ATXN7L1: variants seen among roughly 807,000 people sequenced by gnomAD.
ATXN7L1 encodes ataxin-7-like protein 1.
ATXN7L1 carries 15 observed loss-of-function variants against 70.8 expected under a neutral mutation model. That is an observed-to-expected ratio of 0.21 (90% CI 0.14 to 0.33). The LOEUF (loss-of-function observed/expected upper bound fraction) is 0.33, where lower values mean the gene tolerates loss of function less well. Ranked by LOEUF, ATXN7L1 falls within the 10% of genes least tolerant of loss-of-function variation. ATXN7L1 has a pLI of 1.00. For synonymous variants in ATXN7L1, 440 were observed against 445.1 expected (o/e 0.99, Z 0.14); for missense variants, 975 against 1,097.1 (o/e 0.89, Z 1.57).
chr7:105,834,524 C>T (rs1812083468), intron 2 of ATXN7L1, among the ~76,000 whole-genome samples: 1 of 152,154 alleles, frequency 6.6e-6, no homozygotes, highest in African/African-American at 2.4e-5. Flanking sequence ...TAATGTTTGC[C>T]TACTCAGTTT....
At chr7:105,771,023 C>T (rs1801913757) in intron 3 of ATXN7L1, among the ~76,000 whole-genome samples, 1 of 151,838 alleles carries the variant, frequency 6.6e-6, no homozygotes, top group Non-Finnish European at 1.5e-5. Context: ...AACATGGTGA[C>T]ATCCCGTCTC....
At chr7:105,784,255 C>T (rs753939062) in intron 3 of ATXN7L1, among the ~76,000 whole-genome samples, 118 of 152,150 alleles carry the variant, frequency 7.8e-4, no homozygotes, top group Non-Finnish European at 2.4e-4. Context: ...TAAGCCACTG[C>T]GCCCGGCCCC....
chr7:105,764,802 C>T (rs1167100708), intron 3 of ATXN7L1, among the ~76,000 whole-genome samples: 1 of 151,280 alleles, frequency 6.6e-6, no homozygotes, highest in Non-Finnish European at 1.5e-5. Flanking sequence ...ATTTTTTTTT[C>T]CAGGAACGAT....
At chr7:105,740,986 G>A (rs1438312895) in intron 3 of ATXN7L1, among the ~76,000 whole-genome samples, 3 of 151,826 alleles carry the variant, frequency 2.0e-5, no homozygotes, top group Non-Finnish European at 4.4e-5. Context: ...GGATGGTCTC[G>A]ATCTCCTGAC....
In ATXN7L1 at chr7:105,614,624, T is replaced by C. The variant is rs1793589831; in HGVS notation, c.1710A>G (p.Thr570=). 6.4e-7 allele frequency: 1 copy of C among 1,551,794 alleles called. No individual in the cohort carries two copies. Residue 570 remains threonine, a synonymous_variant, in exon 10 of 12, where the codon ACA becomes ACG. Transcript: ENST00000419735. This position sits in a 1 kb window ranked among gnomAD's most constrained non-coding sequence, Gnocchi z 4.3. ...SAMLSNAAFV[T]SPDPSALMSH... ...ACATGAGGGCGCTCGGGTCCGGCGA[T>C]GTCACGAAAGCTGCGTTTGAGAGCA... is the stretch of plus-strand genomic sequence containing the variant.
chr7:105,636,483 T>G (rs1174014350), intron 7 of ATXN7L1, among the ~76,000 whole-genome samples: 5 of 145,610 alleles, frequency 3.4e-5, no homozygotes, highest in Non-Finnish European at 7.5e-5. Flanking sequence ...AGAAACATTC[T>G]TTTCTCTGAT....
Position 105,876,486 on chromosome 7 carries a change from C to G in ATXN7L1, c.73G>C (p.Glu25Gln). ...TCCAGTGTCGCCATTGCTCTTCCTT[C>G]TTGTTGCTTTTTCCCTGTTCCTTCG... ...AAEGTGKKQQ[E>Q]GRAMATLDRK... Residue 25 changes from glutamate to glutamine, a missense_variant, in exon 1 of 12, where the codon GAA becomes CAA. Physicochemically the swap from Glu to Gln is conservative, Grantham distance 29 (BLOSUM62 2). Coordinates refer to ENST00000419735, the MANE Select transcript of ATXN7L1 (RefSeq NM_020725.2). The G allele has an allele frequency of 6.2e-7, 1 of 1,613,222 alleles. No individual in the cohort carries two copies. The highest frequency in any genetic ancestry group is 2.2e-5 in the East Asian group (1 of 44,836).
chr7:105,688,312 C>A (rs846938), intron 3 of ATXN7L1, among the ~76,000 whole-genome samples: 3 of 152,134 alleles, frequency 2.0e-5, no homozygotes, highest in African/African-American at 7.2e-5. Context: ...GAGGCTGAGG[C>A]GGGTGGATGG....
intron 2 of ATXN7L1, among the ~76,000 whole-genome samples, chr7:105,830,888 G>A (rs1811506020): frequency 6.6e-6 from 1 of 152,214 alleles, no homozygotes; most frequent in African/African-American, 2.4e-5. Context: ...AAAAGGCAGG[G>A]TTCACAGAGC....
At chr7:105,773,174 T>G (rs1213563327) in intron 3 of ATXN7L1, among the ~76,000 whole-genome samples, 3 of 152,222 alleles carry the variant, frequency 2.0e-5, no homozygotes, top group Non-Finnish European at 4.4e-5. Context: ...ACATGACAAT[T>G]ATCAGGGGTA....
chr7:105,622,459 C>T (rs1194129988), intron 8 of ATXN7L1, among the ~76,000 whole-genome samples: 2 of 152,226 alleles, frequency 1.3e-5, no homozygotes, highest in Non-Finnish European at 2.9e-5. Context: ...ACGCCTCCAG[C>T]AGAGCTGTAG....
chr7:105,613,550 C>T, intron 10 of ATXN7L1: 1 of 1,290,598 alleles, frequency 7.7e-7, no homozygotes, highest in South Asian at 1.9e-5. Flanking sequence ...GTGGGGAACT[C>T]AGAATCTCTC....
chr7:105,805,553 T>C (rs6466075), intron 2 of ATXN7L1, among the ~76,000 whole-genome samples: 7,046 of 152,302 alleles, frequency 0.046, 554 homozygotes, highest in African/African-American at 0.16. Flanking sequence ...CGATGATTTA[T>C]GCCCTCAAGG....
At chr7:105,613,276 T>C (rs562497314) in intron 10 of ATXN7L1, among the ~76,000 whole-genome samples, 1 of 152,282 alleles carries the variant, frequency 6.6e-6, no homozygotes, top group Middle Eastern at 3.4e-3. Flanking sequence ...CTGGTGACAG[T>C]TGCAGTTTTT....
intron 2 of ATXN7L1, among the ~76,000 whole-genome samples, chr7:105,795,756 C>T (rs568138905): frequency 1.7e-4 from 26 of 152,174 alleles, no homozygotes; most frequent in Middle Eastern, 3.4e-3. Flanking sequence ...GAGAATCCCA[C>T]GGTCGGAAAA....
chr7:105,876,027 C>A (rs985370956), intron 1 of ATXN7L1, 147 bp from the exon 2 acceptor site: 2 of 817,934 alleles, frequency 2.4e-6, no homozygotes, highest in African/African-American at 3.4e-5. Context: ...GACAATGCAA[C>A]ATTTTCTCCC....
intron 3 of ATXN7L1, among the ~76,000 whole-genome samples, chr7:105,770,161 T>G (rs941957915): frequency 6.6e-6 from 1 of 152,214 alleles, no homozygotes; most frequent in Non-Finnish European, 1.5e-5. Flanking sequence ...CTTTAAAAAC[T>G]TACGGCAAAA....
chr7:105,818,433 G>C (rs923245828), intron 2 of ATXN7L1, among the ~76,000 whole-genome samples: 4 of 152,184 alleles, frequency 2.6e-5, no homozygotes, highest in Admixed American at 2.6e-4. Context: ...TGGGATTACA[G>C]CATGTGAGCC....
At chr7:105,818,968 T>C (rs916331545) in intron 2 of ATXN7L1, among the ~76,000 whole-genome samples, 2 of 151,934 alleles carry the variant, frequency 1.3e-5, no homozygotes, top group African/African-American at 4.8e-5. Context: ...TGTGCCATGT[T>C]GGTTTGATGC....
Sources: allele counts gnomAD v4.1 joint callset (sites outside exome capture counted in the v4.1 genomes callset), GRCh38; gene constraint gnomAD v4.1.1; non-coding constraint Gnocchi (gnomAD v3.1); transcripts MANE v1.5; gene names NCBI Gene and HGNC (gene_info 2026-07-23, HGNC 2026-07-21).